XRCC5: variants seen among roughly 807,000 people sequenced by gnomAD.
XRCC5 encodes the protein X-ray repair cross complementing 5.
In XRCC5, 12 loss-of-function variants were observed where a neutral mutation model predicts 95.7. The ratio of observed to expected loss-of-function variants is 0.13; its 90% CI spans 0.08 to 0.20. The LOEUF (loss-of-function observed/expected upper bound fraction) is 0.20. Among genes scored for constraint, XRCC5 ranks in the 10% least tolerant of loss-of-function variants. The pLI is 1.00. For synonymous variants in XRCC5, 281 were observed against 290.3 expected, an observed-to-expected ratio of 0.97 and a Z score of 0.33; for missense variants, 595 against 873.9, an observed-to-expected ratio of 0.68 and a Z score of 4.02.
At chr2:216,153,348 G>T (rs572283443) in intron 14 of XRCC5, among the ~76,000 whole-genome samples, 1 of 152,058 alleles carries the variant, frequency 6.6e-6, no homozygotes, top group Admixed American at 6.5e-5. Flanking sequence ...ATTCCTGTGG[G>T]GGCTGCTTTT....
intron 16 of XRCC5, among the ~76,000 whole-genome samples, chr2:216,188,645 C>T (rs903267557): frequency 3.9e-5 from 6 of 152,106 alleles, no homozygotes; most frequent in Admixed American, 6.6e-5. Flanking sequence ...GAAAGTACAC[C>T]GCTTTCTGTT....
intron 19 of XRCC5, 53 bp downstream of exon 19, chr2:216,195,039 T>A: frequency 6.4e-7 from 1 of 1,553,782 alleles, no homozygotes; most frequent in South Asian, 1.1e-5. Context: ...TGGACTTTAT[T>A]TTCTTGATAC....
chr2:216,194,084 A>C (rs556197660), intron 18 of XRCC5, among the ~76,000 whole-genome samples: 9 of 152,346 alleles, frequency 5.9e-5, no homozygotes, highest in African/African-American at 1.4e-4. Flanking sequence ...TGGGCACCGG[A>C]TGTCTTGGAC....
chr2:216,186,948 A>C (rs1330206226), intron 16 of XRCC5, among the ~76,000 whole-genome samples: 1 of 152,210 alleles, frequency 6.6e-6, no homozygotes, highest in African/African-American at 2.4e-5. Flanking sequence ...GAAGTGCCAC[A>C]AAACTTTGGA....
chr2:216,168,223 T>C (rs766451239), intron 16 of XRCC5, among the ~76,000 whole-genome samples: 2 of 152,222 alleles, frequency 1.3e-5, no homozygotes, highest in Non-Finnish European at 2.9e-5. Context: ...AGGATGACTT[T>C]TCACAGATAA....
intron 14 of XRCC5, among the ~76,000 whole-genome samples, chr2:216,154,032 A>G (rs891225371): frequency 9.2e-5 from 14 of 152,096 alleles, no homozygotes; most frequent in Non-Finnish European, 1.8e-4. Context: ...TTTACATTCT[A>G]TATGTAATTG....
At chr2:216,131,111 T>G in intron 9 of XRCC5, 124 bp downstream of exon 9, 1 of 1,411,126 alleles carries the variant, frequency 7.1e-7, no homozygotes, top group Non-Finnish European at 9.3e-7. Flanking sequence ...AAATGTAGTC[T>G]GGGGGTTAAT....
chr2:216,190,191 C>G (rs1203160390), intron 16 of XRCC5, 34 bp from the exon 17 acceptor site: 1 of 1,591,940 alleles, frequency 6.3e-7, no homozygotes, highest in East Asian at 2.2e-5. Context: ...AGGCATCACT[C>G]AAATCTAAGA....
intron 5 of XRCC5, 124 bp downstream of exon 5, chr2:216,119,289 C>T: frequency 1.0e-6 from 1 of 1,003,888 alleles, no homozygotes; most frequent in African/African-American, 1.6e-5. Flanking sequence ...CTGAATCTGT[C>T]AGATGACTGA....
intron 10 of XRCC5, among the ~76,000 whole-genome samples, chr2:216,134,779 A>G (rs974111953): frequency 2.0e-5 from 3 of 151,962 alleles, no homozygotes; most frequent in African/African-American, 7.3e-5. Flanking sequence ...TCAAAGACAT[A>G]TAAATAAAAA....
chr2:216,167,613 T>TGA (rs1553575415), intron 16 of XRCC5, among the ~76,000 whole-genome samples: 74 of 129,616 alleles, frequency 5.7e-4, no homozygotes, highest in African/African-American at 2.2e-3. Context: ...TGTGTGTGTG[T>TGA]GATTTTTTTT....
At chr2:216,187,394 C>T (rs577557638) in intron 16 of XRCC5, among the ~76,000 whole-genome samples, 2 of 150,578 alleles carry the variant, frequency 1.3e-5, no homozygotes, top group African/African-American at 4.9e-5. Flanking sequence ...TTTCCTGTAT[C>T]GTTGCAAATG....
chr2:216,163,166 G>T (rs956177862), intron 16 of XRCC5, among the ~76,000 whole-genome samples: 1 of 151,150 alleles, frequency 6.6e-6, no homozygotes, highest in East Asian at 1.9e-4. Flanking sequence ...ACAGGGTCTC[G>T]CTGTGTCACC....
At chr2:216,186,452 C>G (rs41302496) in intron 16 of XRCC5, among the ~76,000 whole-genome samples, 229 of 152,326 alleles carry the variant, frequency 1.5e-3, no homozygotes, top group Non-Finnish European at 2.1e-3. Context: ...GAATATGATA[C>G]TGAAGTATTG....
Position 216,127,568 on chromosome 2 carries a change from A to C in XRCC5, c.831A>C (p.Thr277=), listed in dbSNP as rs985788248. The part of the protein sequence containing the change: ...ILQERVKKTW[T]VVDAKTLKKE... ...AGGAGAGAGTTAAAAAGACTTGGAC[A>C]GTTGTGGATGCAAAAACCCTAAAAA... is the stretch of plus-strand genomic sequence containing the variant. The change falls in exon 8 of 21, where the codon ACA becomes ACC. Residue 277 remains threonine (T), a synonymous_variant. Coordinates refer to ENST00000392132, the MANE Select transcript of XRCC5 (RefSeq NM_021141.4). 4 of 1,609,768 alleles carry C rather than the reference A, an allele frequency of 2.5e-6. No homozygotes were observed. The highest frequency in any genetic ancestry group is 2.5e-6 in the Non-Finnish European group (3 of 1,178,970).
chr2:216,190,181 A>G (rs763682852), intron 16 of XRCC5, 44 bp from the exon 17 acceptor site: 2 of 1,535,636 alleles, frequency 1.3e-6, no homozygotes, highest in African/African-American at 1.4e-5. Flanking sequence ...ACCCTCTCTC[A>G]GGCATCACTC....
chr2:216,141,169 C>G lies in XRCC5; in HGVS notation c.1343-17C>G, dbSNP rs372391184. The G allele has an allele frequency of 8.7e-6, 14 of 1,607,504 alleles. No individual in the cohort carries two copies. Among genetic ancestry groups the G allele is most frequent in the Non-Finnish European group, 1.2e-5 (14 of 1,178,154 alleles). The stretch of plus-strand genomic sequence containing the variant: ...ATAATGGAAATAATCATTTTTCTTT[C>G]GGCTTCTCTGTTTAAGAGGCACAGT... On this transcript the variant is annotated splice_polypyrimidine_tract_variant and intron_variant, in intron 12 of 20. Transcript: ENST00000392132.
intron 16 of XRCC5, among the ~76,000 whole-genome samples, chr2:216,182,845 G>A (rs1689414758): frequency 6.6e-6 from 1 of 151,986 alleles, no homozygotes; most frequent in African/African-American, 2.4e-5. Context: ...AGGCTTTATG[G>A]GATATGTTTA....
intron 12 of XRCC5, among the ~76,000 whole-genome samples, chr2:216,139,369 CTT>C (rs1341813571): frequency 6.6e-6 from 1 of 151,700 alleles, no homozygotes; most frequent in East Asian, 1.9e-4. Flanking sequence ...GCGAAAGGCA[CTT>C]ACATGGTGGC....
Sources: gnomAD v4.1 joint callset for allele counts (sites outside exome capture counted in the v4.1 genomes callset) on GRCh38, gnomAD v4.1.1 for gene constraint, MANE v1.5 for transcripts, NCBI Gene and HGNC (gene_info 2026-07-23, HGNC 2026-07-21) for gene names.